The following GALNT13 variants were observed in gnomAD, a reference collection of about 807,000 sequenced individuals.
The protein encoded by GALNT13 is UDP-GalNAc:polypeptide N-acetylgalactosaminyltransferase 13.
In GALNT13, 28 loss-of-function variants were observed where a neutral mutation model predicts 64.2. The ratio of observed to expected loss-of-function variants is 0.44; its 90% CI spans 0.32 to 0.60. The LOEUF is 0.60. Ranked by LOEUF, GALNT13 falls within the 20% of genes least tolerant of loss-of-function variation. The probability of loss-of-function intolerance (pLI) is 0.05; values close to 1 mark genes in which losing one functional copy is unlikely to be tolerated. For synonymous variants in GALNT13, 214 were observed against 224.6 expected, an observed-to-expected ratio of 0.95 and a Z score of 0.42; for missense variants, 577 against 669.8, an observed-to-expected ratio of 0.86 and a Z score of 1.53.
chr2:153,076,694 T>A, the GALNT13 span, among the ~76,000 whole-genome samples: 1 of 136,206 alleles, frequency 7.3e-6, no homozygotes, highest in South Asian at 2.3e-4. Flanking sequence ...GTTCATCATT[T>A]TCCTCATTGA....
intron 3 of GALNT13, among the ~76,000 whole-genome samples, chr2:153,986,788 G>C (rs1201483783): frequency 1.3e-5 from 2 of 151,966 alleles, no homozygotes; most frequent in Non-Finnish European, 2.9e-5. Flanking sequence ...AATTATAAGA[G>C]AGAACTATGA....
intron 1 of GALNT13, among the ~76,000 whole-genome samples, chr2:153,872,930 C>T (rs1477699487): frequency 1.3e-5 from 2 of 152,122 alleles, no homozygotes; most frequent in Admixed American, 1.3e-4. Context: ...CCACACTCTC[C>T]GGCCATGTAT....
the GALNT13 span, among the ~76,000 whole-genome samples, chr2:153,248,880 C>T: frequency 2.1e-5 from 3 of 144,322 alleles, no homozygotes; most frequent in Non-Finnish European, 3.1e-5. Flanking sequence ...AAGGAACATA[C>T]CTCAAAATAA....
the GALNT13 span, among the ~76,000 whole-genome samples, chr2:153,203,889 A>ACG: frequency 6.6e-6 from 1 of 152,008 alleles, no homozygotes; most frequent in African/African-American, 2.4e-5. Flanking sequence ...ACACACACAC[A>ACG]CACGCATACA....
chr2:153,672,776 T>G, the GALNT13 span, among the ~76,000 whole-genome samples: 5 of 151,042 alleles, frequency 3.3e-5, no homozygotes, highest in Non-Finnish European at 7.4e-5. Flanking sequence ...AGGTGTTTTT[T>G]TTTTTTTGAA....
the GALNT13 span, among the ~76,000 whole-genome samples, chr2:153,531,601 C>T: frequency 1.3e-5 from 2 of 152,212 alleles, no homozygotes; most frequent in East Asian, 1.9e-4. Context: ...CCCAACAGTT[C>T]CCCAAAGTCT....
chr2:153,619,120 C>T, the GALNT13 span, among the ~76,000 whole-genome samples: 3 of 151,882 alleles, frequency 2.0e-5, no homozygotes, highest in African/African-American at 7.2e-5. Flanking sequence ...TCCTGTCTTT[C>T]TCTAGGGAAG....
At chr2:153,408,076 C>T in the GALNT13 span, among the ~76,000 whole-genome samples, 46 of 152,320 alleles carry the variant, frequency 3.0e-4, 1 homozygote, top group South Asian at 6.6e-3. Context: ...AATTTCCCTT[C>T]GCTCCTAATG....
At chr2:154,221,640 C>G (rs1249756353) in intron 4 of GALNT13, among the ~76,000 whole-genome samples, 1 of 152,034 alleles carries the variant, frequency 6.6e-6, no homozygotes, top group South Asian at 2.1e-4. Flanking sequence ...GTAACAGATT[C>G]CAAAGACAAC....
intron 9 of GALNT13, among the ~76,000 whole-genome samples, chr2:154,319,851 A>AT (rs1023672010): frequency 2.1e-4 from 32 of 151,896 alleles, no homozygotes; most frequent in African/African-American, 7.7e-4. Context: ...TGTAGTAGTT[A>AT]TTTTTTCATC....
chr2:153,874,441 G>C (rs1391995438), intron 1 of GALNT13, among the ~76,000 whole-genome samples: 1 of 151,948 alleles, frequency 6.6e-6, no homozygotes, highest in Non-Finnish European at 1.5e-5. Flanking sequence ...TCTCGGATCC[G>C]CTTTGGAGAG....
At chr2:154,369,857 T>G (rs944985502) in intron 9 of GALNT13, among the ~76,000 whole-genome samples, 4 of 152,150 alleles carry the variant, frequency 2.6e-5, no homozygotes, top group African/African-American at 7.2e-5. Context: ...TCTCGCTGTG[T>G]GCTCACATGA....
the GALNT13 span, among the ~76,000 whole-genome samples, chr2:153,777,502 A>G: frequency 6.6e-6 from 1 of 152,210 alleles, no homozygotes; most frequent in Non-Finnish European, 1.5e-5. Context: ...TCCATCAATC[A>G]TTATGGCAGA....
At chr2:153,255,699 A>C in the GALNT13 span, among the ~76,000 whole-genome samples, 5 of 152,060 alleles carry the variant, frequency 3.3e-5, no homozygotes, top group African/African-American at 1.2e-4. Context: ...TTGTCTGTGA[A>C]GTATTTTATT....
chr2:153,907,988 C>T (rs1224859015), intron 2 of GALNT13, among the ~76,000 whole-genome samples: 2 of 152,022 alleles, frequency 1.3e-5, no homozygotes, highest in South Asian at 2.1e-4. Context: ...CATGACATTG[C>T]TTTCCACAAT....
the GALNT13 span, among the ~76,000 whole-genome samples, chr2:153,852,863 C>T: frequency 6.6e-6 from 1 of 152,050 alleles, no homozygotes; most frequent in East Asian, 1.9e-4. Context: ...TCTTGAGGGA[C>T]AGGATTAATA....
chr2:154,035,228 G>A (rs1425373558), intron 3 of GALNT13, among the ~76,000 whole-genome samples: 12 of 152,038 alleles, frequency 7.9e-5, no homozygotes, highest in African/African-American at 2.4e-4. Flanking sequence ...TATGGTATGT[G>A]CGTTTGTATG....
At chr2:153,106,204 AG>A in the GALNT13 span, among the ~76,000 whole-genome samples, 1 of 152,208 alleles carries the variant, frequency 6.6e-6, no homozygotes, top group South Asian at 2.1e-4. Flanking sequence ...TCAAAATGCA[AG>A]GGGAAAGTTC....
the GALNT13 span, among the ~76,000 whole-genome samples, chr2:153,546,590 C>T: frequency 6.6e-6 from 1 of 152,184 alleles, no homozygotes; most frequent in Admixed American, 6.5e-5. Context: ...TCTACTTCAC[C>T]TCATTATCTA....
Sources: gnomAD v4.1 joint callset for allele counts (sites outside exome capture counted in the v4.1 genomes callset) on GRCh38, gnomAD v4.1.1 for gene constraint, MANE v1.5 for transcripts, NCBI Gene and HGNC (gene_info 2026-07-23, HGNC 2026-07-21) for gene names.